MYO9A: variants seen among roughly 807,000 people sequenced by gnomAD.
The protein encoded by MYO9A is myosin IXA.
In MYO9A, 103 loss-of-function variants were observed where a neutral mutation model predicts 293.3. The observed-to-expected ratio is 0.35, with a 90% CI of 0.30 to 0.41. MYO9A has a LOEUF of 0.41. Ranked by LOEUF, MYO9A falls within the 10% of genes least tolerant of loss-of-function variation. The pLI, the probability that MYO9A is intolerant of heterozygous loss-of-function variation, is 1.00. For synonymous variants in MYO9A, 1,001 were observed against 1,035.7 expected (o/e 0.97, Z 0.64); for missense variants, 2,685 against 3,033.0 (o/e 0.89, Z 2.69).
intron 32 of MYO9A, among the ~76,000 whole-genome samples, chr15:71,866,889 T>G (rs1368038131): frequency 6.6e-6 from 1 of 151,968 alleles, no homozygotes; most frequent in African/African-American, 2.4e-5. Flanking sequence ...AAACCCCATC[T>G]CTACTAAAAA....
rs540050887 is a variant in MYO9A at position 71,938,437 on chromosome 15, C to G, written c.2378+415G>C. On this transcript the variant is annotated intron_variant, in intron 16 of 41. Transcript: ENST00000356056. ...ATCATTGAAAATAGTAAAAGGTAAG[C>G]TTTGGTAATCGCACTCACCCAAAAA... is the stretch of plus-strand genomic sequence containing the variant. Among the ~76,000 whole-genome samples the G allele has an allele frequency of 2.6e-5, 4 of 152,124 alleles. No homozygotes were observed. The East Asian group carries it at 7.7e-4, about 29-fold the overall frequency.
chr15:71,907,712 TC>T (rs1303564450), intron 19 of MYO9A, among the ~76,000 whole-genome samples: 3 of 151,750 alleles, frequency 2.0e-5, no homozygotes, highest in African/African-American at 7.2e-5. Context: ...GAGCATTTTT[TC>T]ATGTGTTTTT....
chr15:71,903,274 G>A (rs1320458461), intron 21 of MYO9A, among the ~76,000 whole-genome samples: 2 of 151,982 alleles, frequency 1.3e-5, no homozygotes, highest in African/African-American at 4.8e-5. Flanking sequence ...GACATCAAAA[G>A]GGAATGAGAG....
intron 26 of MYO9A, 152 bp downstream of exon 26, chr15:71,893,527 A>T: frequency 1.5e-6 from 1 of 669,144 alleles, no homozygotes; most frequent in Non-Finnish European, 2.5e-6. Flanking sequence ...ACACCTTCAT[A>T]ATTATAACAA....
At chr15:72,018,897 A>C in intron 6 of MYO9A, 142 bp downstream of exon 6, 1 of 671,958 alleles carries the variant, frequency 1.5e-6, no homozygotes, top group Non-Finnish European at 2.6e-6. Context: ...ATCATTCAAA[A>C]GAAATGAAAC....
At chr15:71,843,758 A>G (rs1208120620) in intron 39 of MYO9A, among the ~76,000 whole-genome samples, 1 of 152,162 alleles carries the variant, frequency 6.6e-6, no homozygotes, top group African/African-American at 2.4e-5. Flanking sequence ...TCTGGGAGCT[A>G]CCACTCCCAG....
rs2057368799 is a variant in MYO9A, at chr15:71,897,678, C to G, written c.4825G>C (p.Gly1609Arg). The G allele has an allele frequency of 6.2e-7, 1 of 1,614,038 alleles. No homozygotes were observed. Among genetic ancestry groups the G allele is most frequent in the African/African-American group, 1.3e-5 (1 of 74,920 alleles). ...ACAGTACTAGATTGGCATGGACTTC[C>G]TTTTCTTTCAAAGAACACGGTGACA... ...RPVTVFFERK[G>R]SPCQSSTVKE... The change falls in exon 25 of 42, where the codon GGA (glycine) becomes CGA (arginine). Residue 1609 changes from glycine to arginine, a missense_variant. Around this residue, in one of 10 missense-constraint regions of MYO9A, gnomAD observed 1,434 missense variants for 1,497.7 expected, o/e 0.96. Transcript: ENST00000356056.
rs140691806 is a variant in MYO9A, at chr15:72,045,745, A to C, written c.819T>G (p.Leu273=). The C allele has an allele frequency of 6.2e-6, 10 of 1,603,366 alleles. No individual in the cohort carries two copies. The East Asian group carries it at 1.8e-4, about 29-fold the overall frequency. The change falls in exon 2 of 42, where the codon CTT becomes CTG. Residue 273 remains leucine, a synonymous_variant. Coordinates refer to ENST00000356056, the MANE Select transcript of MYO9A (RefSeq NM_006901.4). ...TTACCTCAAGTACTGGTCCAGCTCC[A>C]AGAATAATCTGTTCTACTCCACTGG... is the stretch of plus-strand genomic sequence containing the variant. ...GFASGVEQII[L]GAGPVLEAFG...
At chr15:71,913,315 T>C (rs1472165123) in intron 19 of MYO9A, among the ~76,000 whole-genome samples, 1 of 152,168 alleles carries the variant, frequency 6.6e-6, no homozygotes, top group Non-Finnish European at 1.5e-5. Context: ...TTTGAGTCTT[T>C]TTCATATCTT....
chr15:71,951,209 G>T (rs2059042878), intron 15 of MYO9A, among the ~76,000 whole-genome samples: 1 of 152,120 alleles, frequency 6.6e-6, no homozygotes, highest in African/African-American at 2.4e-5. Flanking sequence ...ATTTACCAAT[G>T]ATACACAAAA....
intron 2 of MYO9A, among the ~76,000 whole-genome samples, chr15:72,036,994 A>G (rs574668546): frequency 1.3e-5 from 2 of 151,226 alleles, no homozygotes; most frequent in African/African-American, 4.9e-5. Context: ...GAGCCTCCCA[A>G]AGTGCTGGGA....
intron 1 of MYO9A, among the ~76,000 whole-genome samples, chr15:72,087,469 T>G (rs554187087): frequency 6.6e-6 from 1 of 152,180 alleles, no homozygotes; most frequent in African/African-American, 2.4e-5. Context: ...TTGAGGGATC[T>G]CCTCCTGCCA....
chr15:72,096,454 C>T (rs1327710759), intron 1 of MYO9A, among the ~76,000 whole-genome samples: 2 of 152,108 alleles, frequency 1.3e-5, no homozygotes, highest in Non-Finnish European at 2.9e-5. Flanking sequence ...TGTTTTAAGC[C>T]CACCGTTGAG....
chr15:72,002,284 G>C (rs1045625802), intron 8 of MYO9A, among the ~76,000 whole-genome samples: 2 of 127,202 alleles, frequency 1.6e-5, no homozygotes, highest in Admixed American at 8.4e-5. Flanking sequence ...TTTTACTTTT[G>C]TTACCCAGGC....
Position 71,962,393 on chromosome 15 carries a change from C to T in MYO9A, c.1987-2297G>A, listed in dbSNP as rs148627142. On this transcript the variant is annotated intron_variant, in intron 13 of 41. Coordinates refer to ENST00000356056, the MANE Select transcript of MYO9A (RefSeq NM_006901.4). Reference sequence around the variant, plus strand: ...CTATTACTTTTAGGGTTTTCCTTTCCTAATTCTTCTTTATTCTCCTGAGAA... The same window carrying T: ...CTATTACTTTTAGGGTTTTCCTTTCTTAATTCTTCTTTATTCTCCTGAGAA... Among the ~76,000 whole-genome samples the T allele has an allele frequency of 4.9e-4, 75 of 152,268 alleles. 2 individuals are homozygous for T. In the East Asian group the frequency reaches 0.014, roughly 29 times the overall value.
rs1555491167 is a variant in MYO9A, at chr15:71,956,836, T to TATAC, written c.2182+3064_2182+3065insGTAT. ...ATATGCTATATATGCTATATATATA[T>TATAC]ACACACACACACACACACACACAAA... On this transcript the variant is annotated intron_variant, in intron 14 of 41. Coordinates refer to ENST00000356056, the MANE Select transcript of MYO9A (RefSeq NM_006901.4). Among the ~76,000 whole-genome samples, 221 of 130,348 alleles carry TATAC rather than the reference T, an allele frequency of 1.7e-3. 2 individuals carry two copies. The Middle Eastern group carries it at 0.021, about 12-fold the overall frequency. 85.5% of individuals were successfully genotyped at this position (130,348 alleles called of 152,430 possible).
intron 31 of MYO9A, among the ~76,000 whole-genome samples, chr15:71,876,578 GGCGTGT>G (rs2056699568): frequency 6.6e-6 from 1 of 151,824 alleles, no homozygotes; most frequent in Admixed American, 6.6e-5. Context: ...TGGGACTACA[GGCGTGT>G]GCCAGCACAC....
intron 6 of MYO9A, among the ~76,000 whole-genome samples, chr15:72,018,076 C>T (rs913880257): frequency 6.6e-6 from 1 of 151,406 alleles, no homozygotes; most frequent in East Asian, 1.9e-4. Flanking sequence ...TAAAAATATA[C>T]TTATTAAAAT....
intron 30 of MYO9A, 58 bp from the exon 31 acceptor site, chr15:71,878,289 G>A: frequency 1.6e-6 from 2 of 1,229,072 alleles, no homozygotes; most frequent in Non-Finnish European, 1.1e-6. Flanking sequence ...TAAATATAGA[G>A]GAAAGATTAC....
Sources: allele counts gnomAD v4.1 joint callset (sites outside exome capture counted in the v4.1 genomes callset), GRCh38; gene constraint gnomAD v4.1.1; regional missense constraint gnomAD v4.1.1; transcripts MANE v1.5; gene names NCBI Gene and HGNC (gene_info 2026-07-23, HGNC 2026-07-21).